HYAL4: variants seen among roughly 807,000 people sequenced by gnomAD.
HYAL4 encodes hyaluronidase-4.
HYAL4 carries 37 observed loss-of-function variants against 35.2 expected under a neutral mutation model. That is an observed-to-expected ratio of 1.05 (90% CI 0.81 to 1.38). The LOEUF (loss-of-function observed/expected upper bound fraction) is 1.38. HYAL4 is among the 40% of genes most tolerant of loss of function. The probability of loss-of-function intolerance (pLI) is 0.00; values close to 1 mark genes in which losing one functional copy is unlikely to be tolerated. For synonymous variants in HYAL4, 198 were observed against 203.2 expected (o/e 0.97, Z 0.22); for missense variants, 572 against 572.4 (o/e 1.00, Z 0.01).
chr7:123,865,655 T>C (rs1309203223), intron 2 of HYAL4, among the ~76,000 whole-genome samples: 1 of 152,200 alleles, frequency 6.6e-6, no homozygotes, highest in South Asian at 2.1e-4. Flanking sequence ...TTACTTAAAA[T>C]TTTTTTACAG....
intron 2 of HYAL4, among the ~76,000 whole-genome samples, chr7:123,857,991 G>T (rs1806493416): frequency 6.6e-6 from 1 of 152,046 alleles, no homozygotes; most frequent in African/African-American, 2.4e-5. Context: ...GAGCTCAGGA[G>T]TTCGAGACCA....
the HYAL4 span, among the ~76,000 whole-genome samples, chr7:123,810,257 A>G: frequency 6.6e-6 from 1 of 152,158 alleles, no homozygotes; most frequent in African/African-American, 2.4e-5. Context: ...TGGCTCTTTA[A>G]AGCTGACTTT....
intron 2 of HYAL4, among the ~76,000 whole-genome samples, chr7:123,860,909 A>T (rs1450249429): frequency 6.6e-6 from 1 of 152,302 alleles, no homozygotes; most frequent in Non-Finnish European, 1.5e-5. Context: ...GTACAGAGAG[A>T]TAGATGATAG....
At chr7:123,784,804 G>T in the HYAL4 span, among the ~76,000 whole-genome samples, 1 of 152,120 alleles carries the variant, frequency 6.6e-6, no homozygotes, top group Non-Finnish European at 1.5e-5. Context: ...AGCCTTCCAG[G>T]ATGTGGGAAG....
the HYAL4 span, among the ~76,000 whole-genome samples, chr7:123,797,191 C>A: frequency 6.6e-5 from 10 of 152,166 alleles, no homozygotes; most frequent in African/African-American, 2.4e-4. Flanking sequence ...GAGACTCAAT[C>A]GTAAATGGAT....
At chr7:123,773,887 A>G in the HYAL4 span, among the ~76,000 whole-genome samples, 2 of 152,372 alleles carry the variant, frequency 1.3e-5, no homozygotes, top group South Asian at 2.1e-4. Flanking sequence ...CAGTCAGTCA[A>G]TAATTCCATA....
intron 2 of HYAL4, among the ~76,000 whole-genome samples, chr7:123,865,190 A>G (rs543248991): frequency 2.0e-5 from 3 of 152,332 alleles, no homozygotes; most frequent in East Asian, 1.9e-4. Context: ...GTGGAAAACT[A>G]TGTTTTGAAT....
At position 123,877,015 on chromosome 7, in the gene HYAL4, C is replaced by G. The variant is rs770126676; in HGVS notation, c.1306C>G (p.His436Asp). Residue 436 changes from histidine to aspartate, a missense_variant, in exon 5 of 5, where the codon CAT becomes GAT. Physicochemically the swap from His to Asp is moderately conservative, Grantham distance 81 (BLOSUM62 -1). Transcript: ENST00000223026. ...LAVMADTFSC[H>D]CYQGYEGADC... ...AGTGATGGCAGATACATTTTCCTGT[C>G]ATTGTTATCAGGGATATGAAGGAGC... is the stretch of plus-strand genomic sequence containing the variant. 8.1e-6 allele frequency: 13 copies of G among 1,614,172 alleles called. No homozygotes were observed. In the South Asian group the frequency reaches 1.4e-4, roughly 18 times the overall value.
chr7:123,875,656 CAA>C (rs1167401861), intron 4 of HYAL4, among the ~76,000 whole-genome samples: 6 of 62,746 alleles, frequency 9.6e-5, no homozygotes, highest in South Asian at 5.1e-4. Flanking sequence ...GACTCCATCT[CAA>C]AAAAAAAAAA....
the HYAL4 span, among the ~76,000 whole-genome samples, chr7:123,808,222 AT>A: frequency 6.6e-6 from 1 of 151,798 alleles, no homozygotes; most frequent in East Asian, 1.9e-4. Context: ...TTCCAATGTG[AT>A]TTTTTTTACT....
At chr7:123,852,382 T>G (rs908410428) in intron 2 of HYAL4, among the ~76,000 whole-genome samples, 1 of 152,346 alleles carries the variant, frequency 6.6e-6, no homozygotes, top group East Asian at 1.9e-4. Context: ...GTCTTAGGTT[T>G]AAGTCTTTAA....
At chr7:123,836,108 A>G (rs1254043325) in intron 1 of HYAL4, among the ~76,000 whole-genome samples, 3 of 152,140 alleles carry the variant, frequency 2.0e-5, no homozygotes, top group Admixed American at 1.3e-4. Context: ...TCCAAGGTAT[A>G]GTTTATATCC....
At chr7:123,768,436 G>C in the HYAL4 span, among the ~76,000 whole-genome samples, 1 of 152,182 alleles carries the variant, frequency 6.6e-6, no homozygotes, top group Non-Finnish European at 1.5e-5. Context: ...CTCCTGAAAA[G>C]TGAAACTATA....
the HYAL4 span, among the ~76,000 whole-genome samples, chr7:123,789,748 G>A: frequency 6.6e-6 from 1 of 152,170 alleles, no homozygotes; most frequent in African/African-American, 2.4e-5. Context: ...AGAACCAATA[G>A]GACGTATACA....
the HYAL4 span, among the ~76,000 whole-genome samples, chr7:123,767,767 T>C: frequency 1.3e-5 from 2 of 152,200 alleles, no homozygotes; most frequent in East Asian, 1.9e-4. Flanking sequence ...CACACACATA[T>C]ATTAATAGTA....
At chr7:123,799,122 C>T in the HYAL4 span, among the ~76,000 whole-genome samples, 1 of 152,144 alleles carries the variant, frequency 6.6e-6, no homozygotes, top group South Asian at 2.1e-4. Context: ...TCAGAGTTCA[C>T]TGTATATATC....
intron 1 of HYAL4, among the ~76,000 whole-genome samples, chr7:123,846,961 C>G (rs371215519): frequency 1.2e-4 from 19 of 152,164 alleles, no homozygotes; most frequent in African/African-American, 4.6e-4. Context: ...CTCCATTTCC[C>G]ACTTCCACAG....
chr7:123,876,720 A>G (rs764027360), intron 4 of HYAL4, 34 bp from the exon 5 acceptor site: 28 of 1,591,222 alleles, frequency 1.8e-5, no homozygotes, highest in African/African-American at 2.7e-5. Context: ...ACCAGGGAGA[A>G]CACACTAAAA....
At chr7:123,865,819 C>T (rs940838080) in intron 2 of HYAL4, among the ~76,000 whole-genome samples, 2 of 152,098 alleles carry the variant, frequency 1.3e-5, no homozygotes, top group Admixed American at 1.3e-4. Flanking sequence ...GAAAACATTC[C>T]TGAGACTGGG....
Sources: allele counts gnomAD v4.1 joint callset (sites outside exome capture counted in the v4.1 genomes callset), GRCh38; gene constraint gnomAD v4.1.1; transcripts MANE v1.5; gene names NCBI Gene and HGNC (gene_info 2026-07-23, HGNC 2026-07-21).